The following DNAJC5 variants were observed in gnomAD, a reference collection of about 807,000 sequenced individuals.
DNAJC5 encodes the protein dnaJ homolog subfamily C member 5.
In DNAJC5, 1 loss-of-function variant was observed where a neutral mutation model predicts 23.2. The ratio of observed to expected loss-of-function variants is 0.04; its 90% CI spans 0.02 to 0.20. The LOEUF is 0.20. Among genes scored for constraint, DNAJC5 ranks in the 10% least tolerant of loss-of-function variants. The pLI is 1.00. For synonymous variants in DNAJC5, 136 were observed against 120.0 expected, an observed-to-expected ratio of 1.13 and a Z score of -0.87; for missense variants, 180 against 267.0, an observed-to-expected ratio of 0.67 and a Z score of 2.27.
Position 63,929,226 on chromosome 20 carries a change from C to T in DNAJC5, c.108-86C>T. 1 of 1,459,468 alleles carries T rather than the reference C, an allele frequency of 6.9e-7. No individual in the cohort carries two copies. The highest frequency in any genetic ancestry group is 2.0e-5 in the Admixed American group (1 of 51,048). 90.4% of individuals were successfully genotyped at this position (1,459,468 alleles called of 1,614,324 possible). A position where few individuals can be genotyped will look rare whatever the true frequency, so the allele number is the denominator to read the frequency against. ...TGGACCTGCCTTCCACTGCACCCGGCAGTGCGTGCGGGTGGGATGGACGCG... is the reference window on the plus strand; with the variant it reads ...TGGACCTGCCTTCCACTGCACCCGGTAGTGCGTGCGGGTGGGATGGACGCG... On this transcript the variant is annotated intron_variant, in intron 2 of 4. Coordinates refer to ENST00000360864, the MANE Select transcript of DNAJC5 (RefSeq NM_025219.3). The surrounding 1 kb of genome is among the most constrained non-coding windows in gnomAD (Gnocchi z 8.6).
In DNAJC5 at chr20:63,928,294, A is replaced by T; in HGVS notation, c.-11-41A>T. 2.0e-6 allele frequency: 3 copies of T among 1,528,740 alleles called. No individual in the cohort carries two copies. The highest frequency in any genetic ancestry group is 2.7e-6 in the Non-Finnish European group (3 of 1,107,122). 94.7% of individuals were successfully genotyped at this position (1,528,740 alleles called of 1,614,324 possible). A position where few individuals can be genotyped will look rare whatever the true frequency, so the allele number is the denominator to read the frequency against. ...CATCAGCTCTGCCCTTGGTACTTTC[A>T]TCTATACTTTGTGATACTTTCTTTT... is the stretch of plus-strand genomic sequence containing the variant. On this transcript the variant is annotated intron_variant, in intron 1 of 4. Transcript: ENST00000360864. The surrounding 1 kb of genome is among the most constrained non-coding windows in gnomAD (Gnocchi z 4.6).
chr20:63,897,119 G>A (rs934080267), intron 1 of DNAJC5, among the ~76,000 whole-genome samples: 1 of 152,204 alleles, frequency 6.6e-6, no homozygotes, highest in Non-Finnish European at 1.5e-5. Flanking sequence ...TCTGTTGGGG[G>A]CACAGTGGCT....
intron 1 of DNAJC5, among the ~76,000 whole-genome samples, chr20:63,907,446 G>A (rs886696242): frequency 3.9e-5 from 6 of 152,172 alleles, no homozygotes; most frequent in Non-Finnish European, 8.8e-5. Flanking sequence ...TACCTTGCTG[G>A]ACTGTTTAAT....
At chr20:63,898,433 C>T (rs934637769) in intron 1 of DNAJC5, among the ~76,000 whole-genome samples, 1 of 152,122 alleles carries the variant, frequency 6.6e-6, no homozygotes. Flanking sequence ...CCCCTGGGTC[C>T]TCGGGCTGGG....
At chr20:63,927,305 T>C (rs1011176007) in intron 1 of DNAJC5, among the ~76,000 whole-genome samples, 32 of 151,946 alleles carry the variant, frequency 2.1e-4, no homozygotes, top group African/African-American at 7.7e-4. Flanking sequence ...TCACCTGAGG[T>C]CGGGAGTTCA....
intron 1 of DNAJC5, among the ~76,000 whole-genome samples, chr20:63,918,014 G>T (rs180768919): frequency 6.6e-6 from 1 of 152,076 alleles, no homozygotes; most frequent in Non-Finnish European, 1.5e-5. Context: ...CACGCTGTCC[G>T]CCCTTCGCCA....
chr20:63,896,015 C>G (rs2053373248), intron 1 of DNAJC5, among the ~76,000 whole-genome samples: 1 of 152,164 alleles, frequency 6.6e-6, no homozygotes, highest in Non-Finnish European at 1.5e-5. Context: ...TTCTCAAATT[C>G]ATTCAGTTGT....
chr20:63,921,416 C>T (rs1482286515), intron 1 of DNAJC5, among the ~76,000 whole-genome samples: 2 of 151,770 alleles, frequency 1.3e-5, no homozygotes, highest in Non-Finnish European at 2.9e-5. Flanking sequence ...ACGGTGAAAC[C>T]CCGTCTCTAC....
Position 63,933,594 on chromosome 20 carries a change from T to A in DNAJC5, c.*2026T>A, listed in dbSNP as rs1056968006. 2.0e-5 allele frequency: 3 copies of A among 152,310 alleles called. No homozygotes were observed. The highest frequency in any genetic ancestry group is 7.2e-5 in the African/African-American group (3 of 41,426). The allele number at this position is 152,310 out of a possible 1,614,324, so 9.4% of individuals were successfully genotyped here. Reference sequence around the variant, plus strand: ...TCATTGTTTGGCCCATCCTGAAAGGTGAGGTGGCGAGACAGTGGGGTGCCT... The same window carrying A: ...TCATTGTTTGGCCCATCCTGAAAGGAGAGGTGGCGAGACAGTGGGGTGCCT... On this transcript the variant is annotated 3_prime_UTR_variant, in exon 5 of 5. Transcript: ENST00000360864.
At chr20:63,901,665 G>A (rs772637969) in intron 1 of DNAJC5, among the ~76,000 whole-genome samples, 3 of 152,218 alleles carry the variant, frequency 2.0e-5, no homozygotes, top group Non-Finnish European at 4.4e-5. Flanking sequence ...TGGAGTGTGC[G>A]GCCCTGCCTG....
At chr20:63,896,038 A>G (rs1381381108) in intron 1 of DNAJC5, among the ~76,000 whole-genome samples, 1 of 152,222 alleles carries the variant, frequency 6.6e-6, no homozygotes, top group East Asian at 1.9e-4. Flanking sequence ...CATACAGGAA[A>G]AGGAAGCAAA....
At chr20:63,915,449 C>T (rs2053510025) in intron 1 of DNAJC5, among the ~76,000 whole-genome samples, 1 of 150,432 alleles carries the variant, frequency 6.6e-6, no homozygotes, top group African/African-American at 2.4e-5. Flanking sequence ...AGCTTGTGCT[C>T]ATCAAAAGAC....
chr20:63,910,464 A>T (rs1176112418), intron 1 of DNAJC5, among the ~76,000 whole-genome samples: 2 of 151,032 alleles, frequency 1.3e-5, no homozygotes, highest in Admixed American at 1.3e-4. Flanking sequence ...AATGGCGTGA[A>T]CCTGGGAGGC....
chr20:63,902,580 C>G (rs908589137), intron 1 of DNAJC5, among the ~76,000 whole-genome samples: 1 of 149,318 alleles, frequency 6.7e-6, no homozygotes, highest in African/African-American at 2.5e-5. Flanking sequence ...GTTGGTCAGG[C>G]TGGTCTCGAC....
chr20:63,899,667 T>C (rs567045304), intron 1 of DNAJC5, among the ~76,000 whole-genome samples: 5 of 152,276 alleles, frequency 3.3e-5, no homozygotes, highest in East Asian at 3.9e-4. Flanking sequence ...CTGCAACCTC[T>C]GCCTCCTGGG....
intron 1 of DNAJC5, among the ~76,000 whole-genome samples, chr20:63,917,740 A>G (rs1171728725): frequency 1.3e-5 from 2 of 151,828 alleles, no homozygotes; most frequent in African/African-American, 4.8e-5. Flanking sequence ...ATTTTTTGGC[A>G]GAGACAGGGT....
At position 63,932,180 on chromosome 20, in the gene DNAJC5, T is replaced by G. The variant is rs1169266633; in HGVS notation, c.*612T>G. ...GCTGGGCATGGTTGGCTTGGGGGTC[T>G]GTGGTTTCCTGGGCCTTGTGGCAGG... On this transcript the variant is annotated 3_prime_UTR_variant, in exon 5 of 5. Transcript: ENST00000360864. The surrounding 1 kb of genome is among the most constrained non-coding windows in gnomAD (Gnocchi z 4.4). 6.1e-6 allele frequency: 1 copy of G among 162,680 alleles called. No homozygotes were observed. Among genetic ancestry groups the G allele is most frequent in the East Asian group, 1.7e-4 (1 of 5,838 alleles). The allele number at this position is 162,680 out of a possible 1,614,324, so 10.1% of individuals were successfully genotyped here.
chr20:63,898,448 A>G (rs2053388372), intron 1 of DNAJC5, among the ~76,000 whole-genome samples: 1 of 152,146 alleles, frequency 6.6e-6, no homozygotes, highest in African/African-American at 2.4e-5. Context: ...GCTGGGTTGG[A>G]AAAAGCCATT....
At chr20:63,922,317 G>T (rs1268013549) in intron 1 of DNAJC5, among the ~76,000 whole-genome samples, 2 of 151,986 alleles carry the variant, frequency 1.3e-5, no homozygotes, top group East Asian at 3.9e-4. Context: ...AAAAAAATTA[G>T]CTGGGTGTGG....
Sources: gnomAD v4.1 joint callset for allele counts (sites outside exome capture counted in the v4.1 genomes callset) on GRCh38, gnomAD v4.1.1 for gene constraint, Gnocchi (gnomAD v3.1) non-coding constraint, MANE v1.5 for transcripts, NCBI Gene and HGNC (gene_info 2026-07-23, HGNC 2026-07-21) for gene names.